The following MAML3 variants were observed in gnomAD, a reference collection of about 807,000 sequenced individuals.
MAML3 encodes the protein mastermind-like protein 3.
Under a neutral mutation model 101.9 loss-of-function variants are expected in MAML3, and 27 were observed. The observed-to-expected ratio is 0.27, with a 90% CI of 0.20 to 0.37. MAML3 has a LOEUF of 0.37. Ranked by LOEUF, MAML3 falls within the 10% of genes least tolerant of loss-of-function variation. The pLI is 1.00. For missense variants in MAML3, 1,316 were observed against 1,444.9 expected, an observed-to-expected ratio of 0.91 and a Z score of 1.45; for synonymous variants, 501 against 555.9, an observed-to-expected ratio of 0.90 and a Z score of 1.39.
intron 2 of MAML3, among the ~76,000 whole-genome samples, chr4:139,834,861 T>C (rs375905668): frequency 2.4e-4 from 37 of 152,296 alleles, no homozygotes; most frequent in African/African-American, 8.9e-4. Context: ...GAGGGTTAAG[T>C]CTAGTTAGAG....
At chr4:139,834,818 G>C (rs987251810) in intron 2 of MAML3, among the ~76,000 whole-genome samples, 1 of 152,144 alleles carries the variant, frequency 6.6e-6, no homozygotes, top group Non-Finnish European at 1.5e-5. Context: ...ATTGATCAAA[G>C]GGTGACTACC....
At chr4:139,861,511 A>T (rs1341527931) in intron 2 of MAML3, among the ~76,000 whole-genome samples, 25 of 61,392 alleles carry the variant, frequency 4.1e-4, no homozygotes, top group East Asian at 6.6e-4. Flanking sequence ...GTGTGTGTGT[A>T]GTCTCACAGG....
At chr4:140,133,099 G>A in intron 1 of MAML3, 1 of 447,942 alleles carries the variant, frequency 2.2e-6, no homozygotes, top group South Asian at 1.6e-5. Flanking sequence ...ACTATGTGCT[G>A]TTACATGCCA....
At chr4:139,867,174 C>T (rs1731913236) in intron 2 of MAML3, among the ~76,000 whole-genome samples, 1 of 152,144 alleles carries the variant, frequency 6.6e-6, no homozygotes, top group African/African-American at 2.4e-5. Context: ...AATAACCATT[C>T]CGTCTGGATT....
chr4:139,783,973 T>A lies in MAML3; in HGVS notation c.2080-53306A>T, dbSNP rs117601108. ...TAACCAGCATGTCAGAGAGGCCCGC[T>A]ATCCTCTTTCCACCTGGGTGGAGGA... On this transcript the variant is annotated intron_variant, in intron 2 of 4. Coordinates refer to ENST00000509479, the MANE Select transcript of MAML3 (RefSeq NM_018717.5). Among the ~76,000 whole-genome samples the A allele has an allele frequency of 3.9e-4, 60 of 152,370 alleles. No homozygotes were observed. In the East Asian group the frequency reaches 0.01, roughly 26 times the overall value.
At chr4:139,954,913 A>T (rs1457921713) in intron 1 of MAML3, among the ~76,000 whole-genome samples, 2 of 152,188 alleles carry the variant, frequency 1.3e-5, no homozygotes, top group Non-Finnish European at 2.9e-5. Context: ...AAAAATTTTT[A>T]AAAATTAAAG....
intron 2 of MAML3, among the ~76,000 whole-genome samples, chr4:139,858,963 G>T (rs1159794300): frequency 6.6e-6 from 1 of 152,136 alleles, no homozygotes; most frequent in African/African-American, 2.4e-5. Flanking sequence ...AACAAGACTG[G>T]AGTCTAGAAA....
chr4:139,892,791 C>T (rs951133456), intron 1 of MAML3, among the ~76,000 whole-genome samples: 4 of 151,884 alleles, frequency 2.6e-5, no homozygotes, highest in Non-Finnish European at 5.9e-5. Flanking sequence ...ATTAGCCGGG[C>T]GTGGTGGCGG....
chr4:139,898,683 G>T (rs1219334719), intron 1 of MAML3, among the ~76,000 whole-genome samples: 1 of 152,134 alleles, frequency 6.6e-6, no homozygotes, highest in African/African-American at 2.4e-5. Flanking sequence ...TGGTCATTTT[G>T]ATCTGTTCTG....
chr4:139,974,058 C>T (rs750564550), intron 1 of MAML3, among the ~76,000 whole-genome samples: 4 of 151,636 alleles, frequency 2.6e-5, no homozygotes, highest in Admixed American at 1.3e-4. Flanking sequence ...TACAACGTTC[C>T]TTTAAAACCA....
At chr4:139,863,175 A>G (rs537350998) in intron 2 of MAML3, among the ~76,000 whole-genome samples, 1 of 148,488 alleles carries the variant, frequency 6.7e-6, no homozygotes, top group East Asian at 2.1e-4. Context: ...AAAAAATAGT[A>G]GTACCTTCAT....
chr4:139,858,915 A>G (rs1275999593), intron 2 of MAML3, among the ~76,000 whole-genome samples: 4 of 152,284 alleles, frequency 2.6e-5, no homozygotes, highest in Admixed American at 6.5e-5. Context: ...GTCATCTACA[A>G]TGAAGGGTTT....
intron 2 of MAML3, among the ~76,000 whole-genome samples, chr4:139,824,027 C>A (rs1047430572): frequency 6.6e-6 from 1 of 152,066 alleles, no homozygotes; most frequent in Non-Finnish European, 1.5e-5. Context: ...CAATCACTAC[C>A]ACTTGGTAAA....
At chr4:139,878,437 T>C (rs377003376) in intron 2 of MAML3, among the ~76,000 whole-genome samples, 12 of 152,362 alleles carry the variant, frequency 7.9e-5, no homozygotes, top group Admixed American at 5.9e-4. Context: ...TTTTGGTATC[T>C]TGCTTTGGTC....
intron 1 of MAML3, among the ~76,000 whole-genome samples, chr4:139,912,241 G>T (rs184887440): frequency 6.6e-6 from 1 of 152,178 alleles, no homozygotes; most frequent in Non-Finnish European, 1.5e-5. Context: ...AAACAAATGT[G>T]GGGGAGAGAT....
intron 1 of MAML3, among the ~76,000 whole-genome samples, chr4:139,964,142 C>T (rs188822437): frequency 1.2e-4 from 19 of 152,254 alleles, no homozygotes; most frequent in South Asian, 2.1e-4. Flanking sequence ...AAGACACATA[C>T]GTTTATTGCA....
At chr4:140,130,497 T>C (rs1186627100) in intron 1 of MAML3, among the ~76,000 whole-genome samples, 1 of 152,258 alleles carries the variant, frequency 6.6e-6, no homozygotes, top group African/African-American at 2.4e-5. Context: ...GCCTGAACAC[T>C]GCAGCTTATA....
chr4:140,097,230 A>G (rs1411056485), intron 1 of MAML3, among the ~76,000 whole-genome samples: 1 of 152,234 alleles, frequency 6.6e-6, no homozygotes, highest in Non-Finnish European at 1.5e-5. Context: ...AGAGCATAAG[A>G]GATGAGTCTA....
At chr4:139,843,231 T>G (rs939706798) in intron 2 of MAML3, among the ~76,000 whole-genome samples, 2 of 152,160 alleles carry the variant, frequency 1.3e-5, no homozygotes, top group Admixed American at 6.5e-5. Context: ...GCAATTACCT[T>G]ACTGCTTCCA....
Sources: allele counts gnomAD v4.1 joint callset (sites outside exome capture counted in the v4.1 genomes callset), GRCh38; gene constraint gnomAD v4.1.1; transcripts MANE v1.5; gene names NCBI Gene and HGNC (gene_info 2026-07-23, HGNC 2026-07-21).